ZNF292: variants seen among roughly 807,000 people sequenced by gnomAD.
ZNF292 encodes the protein zinc finger protein 292.
ZNF292 carries 26 observed loss-of-function variants against 217.9 expected under a neutral mutation model. That is an observed-to-expected ratio of 0.12 (90% CI 0.09 to 0.17). ZNF292 has a LOEUF of 0.17. Among genes scored for constraint, ZNF292 ranks in the 10% least tolerant of loss-of-function variants. The pLI, the probability that ZNF292 is intolerant of heterozygous loss-of-function variation, is 1.00. For missense variants in ZNF292, 2,904 were observed against 3,175.2 expected (o/e 0.91, Z 2.05); for synonymous variants, 1,257 against 1,124.1 (o/e 1.12, Z -2.37).
At position 87,250,023 on chromosome 6, in the gene ZNF292, T is replaced by TAAAA. The variant is rs60486090; in HGVS notation, c.1020+4389_1020+4392dup. ...CTGTACCCAGCCAACTGGTAACCCT[T>TAAAA]AAAAAAAAAAAAACAAAAAAAAAAA... On this transcript the variant is annotated intron_variant, in intron 7 of 7. Coordinates refer to ENST00000369577, the MANE Select transcript of ZNF292 (RefSeq NM_015021.3). Among the ~76,000 whole-genome samples the TAAAA allele has an allele frequency of 7.5e-3, 746 of 99,038 alleles. 7 individuals are homozygous for TAAAA. The highest frequency in any genetic ancestry group is 0.012 in the East Asian group (40 of 3,378). 65.0% of individuals were successfully genotyped at this position (99,038 alleles called of 152,430 possible). A position where few individuals can be genotyped will look rare whatever the true frequency, so the allele number is the denominator to read the frequency against.
Position 87,155,669 on chromosome 6 carries a change from C to G in ZNF292, c.78C>G (p.Gly26=). The G allele has an allele frequency of 1.3e-6, 2 of 1,585,868 alleles. No individual in the cohort carries two copies. The highest frequency in any genetic ancestry group is 1.1e-5 in the South Asian group (1 of 87,034). Residue 26 remains glycine, a synonymous_variant, in exon 1 of 8, where the codon GGC becomes GGG. Coordinates refer to ENST00000369577, the MANE Select transcript of ZNF292 (RefSeq NM_015021.3). ...GCGTCGCGGAGCTGCAGCGCCTGGG[C>G]GAGCGGCTCCAGGAGCTGGAGCTAC... The part of the protein sequence containing the change: ...GGCVAELQRL[G]ERLQELELQL...
intron 1 of ZNF292, among the ~76,000 whole-genome samples, chr6:87,182,069 G>T (rs963135220): frequency 6.6e-6 from 1 of 152,116 alleles, no homozygotes; most frequent in Non-Finnish European, 1.5e-5. Flanking sequence ...ATTAGTACCA[G>T]TGCTTCCTCC....
intron 5 of ZNF292, among the ~76,000 whole-genome samples, chr6:87,243,066 C>G (rs1286814807): frequency 6.6e-6 from 1 of 151,768 alleles, no homozygotes; most frequent in Non-Finnish European, 1.5e-5. Flanking sequence ...TCTGTTGATT[C>G]TAATGCTTGT....
chr6:87,161,087 A>G (rs1297544407), intron 1 of ZNF292, among the ~76,000 whole-genome samples: 1 of 152,190 alleles, frequency 6.6e-6, no homozygotes, highest in African/African-American at 2.4e-5. Flanking sequence ...TATAATTTAT[A>G]CTGACCATGA....
chr6:87,228,220 G>A (rs372829766), intron 4 of ZNF292, among the ~76,000 whole-genome samples: 7 of 151,918 alleles, frequency 4.6e-5, no homozygotes, highest in East Asian at 1.9e-4. Flanking sequence ...TTGGCCATTC[G>A]TATGTTATCT....
intron 4 of ZNF292, chr6:87,223,755 A>G (rs910376010): frequency 6.6e-5 from 10 of 151,998 alleles, no homozygotes; most frequent in Non-Finnish European, 1.2e-4. Context: ...TCCCTCATCA[A>G]TGGGTTTTGT....
chr6:87,228,121 G>C (rs573895758), intron 4 of ZNF292, among the ~76,000 whole-genome samples: 72 of 152,030 alleles, frequency 4.7e-4, no homozygotes, highest in African/African-American at 1.7e-3. Flanking sequence ...TGTTTTTTTC[G>C]TAGTAGTCAT....
chr6:87,162,679 C>G (rs1770786232), intron 1 of ZNF292, among the ~76,000 whole-genome samples: 1 of 152,174 alleles, frequency 6.6e-6, no homozygotes, highest in Admixed American at 6.5e-5. Context: ...TTGCCCCCTT[C>G]TTATCCTTTT....
chr6:87,162,068 GAT>G (rs1770771959), intron 1 of ZNF292, among the ~76,000 whole-genome samples: 1 of 152,144 alleles, frequency 6.6e-6, no homozygotes, highest in African/African-American at 2.4e-5. Flanking sequence ...ATTATCAGTG[GAT>G]ATTTAGGAGA....
chr6:87,218,858 G>A lies in ZNF292; in HGVS notation c.538+127G>A, dbSNP rs1772925077. ...GACCATTTAATTAAATATCTTCTGA[G>A]GTGTGCTTGAGGCCCTGCGCCTTTA... On this transcript the variant is annotated intron_variant, in intron 4 of 7. Transcript: ENST00000369577. The A allele has an allele frequency of 2.8e-6, 3 of 1,058,766 alleles. No individual in the cohort carries two copies. In the Admixed American group the frequency reaches 1.0e-4, roughly 36 times the overall value. The allele number at this position is 1,058,766 out of a possible 1,614,324, so 65.6% of individuals were successfully genotyped here.
In ZNF292 at chr6:87,197,802, G is replaced by A. The variant is rs569164251; in HGVS notation, c.169-18101G>A. 1.8e-3 allele frequency among the ~76,000 whole-genome samples: 260 copies of A among 146,212 alleles called. 4 individuals carry two copies. In the South Asian group the frequency reaches 0.03, roughly 17 times the overall value. On this transcript the variant is annotated intron_variant, in intron 1 of 7. Transcript: ENST00000369577. ...TTTTATCTAAGAAGTATCTGTTTTA[G>A]TTGAAAGAAGTACATTCATTTCTAG... is the stretch of plus-strand genomic sequence containing the variant.
chr6:87,161,254 C>T (rs75584797), intron 1 of ZNF292, among the ~76,000 whole-genome samples: 1 of 151,986 alleles, frequency 6.6e-6, no homozygotes, highest in African/African-American at 2.4e-5. Flanking sequence ...AAATTCTGTA[C>T]TTTTAAGAAA....
intron 1 of ZNF292, among the ~76,000 whole-genome samples, chr6:87,187,921 A>C (rs1010401199): frequency 1.3e-5 from 2 of 152,006 alleles, no homozygotes; most frequent in Non-Finnish European, 2.9e-5. Flanking sequence ...TAATTCACCA[A>C]CTGCTACCTA....
chr6:87,165,988 C>T (rs376085779), intron 1 of ZNF292, among the ~76,000 whole-genome samples: 2 of 152,238 alleles, frequency 1.3e-5, no homozygotes, highest in South Asian at 4.1e-4. Context: ...AAACTCCTGA[C>T]CTCAGGTGAT....
chr6:87,186,466 C>A (rs986130409), intron 1 of ZNF292, among the ~76,000 whole-genome samples: 1 of 152,202 alleles, frequency 6.6e-6, no homozygotes, highest in Non-Finnish European at 1.5e-5. Context: ...TGCATCTTCA[C>A]TCAAACCTAT....
chr6:87,173,207 A>G (rs1190135547), intron 1 of ZNF292, among the ~76,000 whole-genome samples: 2 of 3,436 alleles, frequency 5.8e-4, no homozygotes, highest in African/African-American at 9.5e-4. Context: ...TAATTTTGGC[A>G]CAAAAAAAAA....
chr6:87,169,655 TTGTTC>T (rs1326274591), intron 1 of ZNF292: 3 of 429,754 alleles, frequency 7.0e-6, no homozygotes, highest in African/African-American at 2.0e-5. Flanking sequence ...TTTTTTTGTT[TTGTTC>T]TGTTTTGAGA....
intron 1 of ZNF292, among the ~76,000 whole-genome samples, chr6:87,182,267 T>A (rs756650776): frequency 3.3e-5 from 5 of 152,234 alleles, no homozygotes; most frequent in Non-Finnish European, 7.3e-5. Context: ...ATTGTGTAAG[T>A]GTGTTTCCAT....
intron 4 of ZNF292, among the ~76,000 whole-genome samples, chr6:87,227,562 G>A (rs1349189361): frequency 1.3e-5 from 2 of 151,964 alleles, no homozygotes; most frequent in Non-Finnish European, 2.9e-5. Context: ...GAACCCCAAG[G>A]TGAAAACTAT....
Sources: allele counts gnomAD v4.1 joint callset (sites outside exome capture counted in the v4.1 genomes callset), GRCh38; gene constraint gnomAD v4.1.1; transcripts MANE v1.5; gene names NCBI Gene and HGNC (gene_info 2026-07-23, HGNC 2026-07-21).